GADL1: variants seen among roughly 807,000 people sequenced by gnomAD.
GADL1 encodes GAD like acidic amino acid decarboxylase 1, also known as acidic amino acid decarboxylase GADL1.
Under a neutral mutation model 69.5 loss-of-function variants are expected in GADL1, and 71 were observed. The observed-to-expected ratio is 1.02, with a 90% CI of 0.84 to 1.25. The LOEUF is 1.25. Among genes scored for constraint, GADL1 ranks in the 50% most tolerant of loss-of-function variants. The probability of loss-of-function intolerance (pLI) is 0.00; values close to 1 mark genes in which losing one functional copy is unlikely to be tolerated. For missense variants in GADL1, 737 were observed against 631.8 expected (o/e 1.17, Z -1.79); for synonymous variants, 254 against 214.4 (o/e 1.18, Z -1.62).
intron 1 of GADL1, among the ~76,000 whole-genome samples, chr3:30,862,262 C>T (rs190092007): frequency 1.1e-3 from 173 of 152,028 alleles, no homozygotes; most frequent in African/African-American, 3.9e-3. Flanking sequence ...CAGAGACAGC[C>T]GTCACTCTAC....
intron 11 of GADL1, among the ~76,000 whole-genome samples, chr3:30,822,528 T>C (rs993159458): frequency 5.3e-5 from 8 of 152,056 alleles, no homozygotes; most frequent in African/African-American, 1.4e-4. Context: ...AGCAAGATGC[T>C]GGTTATATAA....
At chr3:30,754,737 G>C (rs1695924140) in intron 14 of GADL1, among the ~76,000 whole-genome samples, 1 of 152,180 alleles carries the variant, frequency 6.6e-6, no homozygotes, top group Non-Finnish European at 1.5e-5. Flanking sequence ...ATTAAGCAGT[G>C]AGATGTTTAC....
intron 11 of GADL1, among the ~76,000 whole-genome samples, chr3:30,821,621 T>C (rs894403123): frequency 1.3e-5 from 2 of 152,058 alleles, no homozygotes; most frequent in Admixed American, 6.6e-5. Context: ...ACAAAGATGT[T>C]AAGTCTTCTC....
At chr3:30,837,669 A>C (rs1313870478) in intron 9 of GADL1, among the ~76,000 whole-genome samples, 1 of 152,082 alleles carries the variant, frequency 6.6e-6, no homozygotes, top group Non-Finnish European at 1.5e-5. Flanking sequence ...TCCATATGTG[A>C]TGTTTCTTTT....
chr3:30,753,387 A>G (rs556423891), intron 14 of GADL1, among the ~76,000 whole-genome samples: 1 of 152,328 alleles, frequency 6.6e-6, no homozygotes, highest in African/African-American at 2.4e-5. Context: ...AGGTTTGTGC[A>G]TAATTTGCAT....
rs77169424 is a variant in GADL1 at position 30,765,362 on chromosome 3, G to A, written c.1392+12817C>T. Among the ~76,000 whole-genome samples the A allele has an allele frequency of 1.0e-3, 158 of 152,308 alleles. 4 individuals are homozygous for A. In the East Asian group the frequency reaches 0.029, roughly 28 times the overall value. On this transcript the variant is annotated intron_variant, in intron 14 of 14. Coordinates refer to ENST00000282538, the MANE Select transcript of GADL1 (RefSeq NM_207359.3). ...TCATATTCTGTAAAACTACAGGTGG[G>A]ATAATGGACAAAGAACAAACCATGA...
chr3:30,761,391 A>G (rs1314016278), intron 14 of GADL1, among the ~76,000 whole-genome samples: 1 of 152,160 alleles, frequency 6.6e-6, no homozygotes, highest in African/African-American at 2.4e-5. Flanking sequence ...TGACAAAACA[A>G]GTAGCCAAGT....
At chr3:30,790,778 G>C (rs1170915994) in intron 12 of GADL1, among the ~76,000 whole-genome samples, 1 of 152,074 alleles carries the variant, frequency 6.6e-6, no homozygotes, top group East Asian at 1.9e-4. Context: ...CTAAATGTCT[G>C]TACTGTGGGT....
intron 14 of GADL1, among the ~76,000 whole-genome samples, chr3:30,774,927 A>C (rs183103056): frequency 5.0e-4 from 76 of 152,258 alleles, no homozygotes; most frequent in Non-Finnish European, 9.1e-4. Context: ...GGTAAAGAAA[A>C]TAAACTGGAA....
At chr3:30,840,289 G>A (rs1445573810) in intron 8 of GADL1, among the ~76,000 whole-genome samples, 2 of 152,080 alleles carry the variant, frequency 1.3e-5, no homozygotes, top group African/African-American at 4.8e-5. Context: ...ATGGAAAGTG[G>A]GGCAGAGCAA....
chr3:30,733,563 C>CTCTTT (rs1041974151), intron 14 of GADL1, among the ~76,000 whole-genome samples: 1 of 151,582 alleles, frequency 6.6e-6, no homozygotes, highest in Non-Finnish European at 1.5e-5. Flanking sequence ...GTAAAGTCAT[C>CTCTTT]TCTTTTCTTT....
chr3:30,804,925 G>T (rs1697225683), intron 11 of GADL1, among the ~76,000 whole-genome samples: 1 of 152,196 alleles, frequency 6.6e-6, no homozygotes, highest in South Asian at 2.1e-4. Flanking sequence ...AAAAGAGCCT[G>T]GAGAATATGG....
rs550437978 is a variant in GADL1, at chr3:30,732,173, G to GAA, written c.1393-3759_1393-3758insTT. ...ATTCCTTTTTGCTGATCACAGCAGA[G>GAA]ACAGTCCTAATCTGACAGGATGGCA... On this transcript the variant is annotated intron_variant, in intron 14 of 14. Coordinates refer to ENST00000282538, the MANE Select transcript of GADL1 (RefSeq NM_207359.3). 8.7e-4 allele frequency among the ~76,000 whole-genome samples: 133 copies of GAA among 152,268 alleles called. No homozygotes were observed. The Middle Eastern group carries it at 0.014, about 16-fold the overall frequency.
At chr3:30,837,414 A>G (rs1051313899) in intron 9 of GADL1, among the ~76,000 whole-genome samples, 6 of 152,116 alleles carry the variant, frequency 3.9e-5, no homozygotes, top group African/African-American at 1.4e-4. Context: ...GGCATTTGCC[A>G]GATGTATACT....
At chr3:30,752,895 AGAT>A (rs570504921) in intron 14 of GADL1, among the ~76,000 whole-genome samples, 456 of 152,316 alleles carry the variant, frequency 3.0e-3, no homozygotes, top group African/African-American at 0.01. Context: ...AATCAGTATA[AGAT>A]GATGGCAAGC....
chr3:30,797,201 G>T (rs554820839), intron 12 of GADL1, among the ~76,000 whole-genome samples: 7 of 152,076 alleles, frequency 4.6e-5, no homozygotes, highest in Non-Finnish European at 1.0e-4. Flanking sequence ...AAGACGTGGC[G>T]AGTAGACTCA....
intron 11 of GADL1, among the ~76,000 whole-genome samples, chr3:30,816,566 T>A (rs1407252693): frequency 3.5e-5 from 4 of 115,936 alleles, no homozygotes; most frequent in East Asian, 2.9e-4. Flanking sequence ...TTTTTTTTTT[T>A]GAGACAGTCT....
chr3:30,835,554 T>C lies in GADL1; in HGVS notation c.904-1273A>G, dbSNP rs138403008. 3.0e-4 allele frequency among the ~76,000 whole-genome samples: 46 copies of C among 152,178 alleles called. 1 individual carries two copies. The highest frequency in any genetic ancestry group is 1.1e-3 in the African/African-American group (44 of 41,566). On this transcript the variant is annotated intron_variant, in intron 9 of 14. Transcript: ENST00000282538. ...AAATCCCACTTAAAAACAACTTTCA[T>C]TGACAGCTGAGACTAGGGTGAAGTG...
rs1191953044 is a variant in GADL1, at chr3:30,821,192, G to C, written c.1050+12661C>G. Among the ~76,000 whole-genome samples, 5 of 152,064 alleles carry C rather than the reference G, an allele frequency of 3.3e-5. No individual in the cohort carries two copies. The South Asian group carries it at 6.2e-4, about 19-fold the overall frequency. ...ACTGCTGGGTGTGGGGAGGCGGGGA[G>C]AGAGGAGGGATAGCATTAGGAGATA... On this transcript the variant is annotated intron_variant, in intron 11 of 14. Transcript: ENST00000282538.
Sources: gnomAD v4.1 joint callset for allele counts (sites outside exome capture counted in the v4.1 genomes callset) on GRCh38, gnomAD v4.1.1 for gene constraint, MANE v1.5 for transcripts, NCBI Gene and HGNC (gene_info 2026-07-23, HGNC 2026-07-21) for gene names.